TTN: variants seen among roughly 807,000 people sequenced by gnomAD.
TTN encodes the protein connectin.
A neutral mutation model predicts 3,223.0 loss-of-function variants in TTN; 1,525 were observed. That is an observed-to-expected ratio of 0.47 (90% CI 0.45 to 0.49). TTN has a LOEUF of 0.49. Ranked by LOEUF, TTN falls within the 20% of genes least tolerant of loss-of-function variation. The probability of loss-of-function intolerance (pLI) is 0.00; values close to 1 mark genes in which losing one functional copy is unlikely to be tolerated. For missense variants in TTN, 40,786 were observed against 43,424.0 expected (o/e 0.94, Z 5.40); for synonymous variants, 14,094 against 15,161.0 (o/e 0.93, Z 5.17).
intron 120 of TTN, 71 bp downstream of exon 120, chr2:178,692,426 A>C: frequency 7.4e-7 from 1 of 1,346,034 alleles, no homozygotes; most frequent in Non-Finnish European, 1.0e-6. Context: ...TATTTTGTTA[A>C]TACACAGATC....
At position 178,535,534 on chromosome 2, in the gene TTN, C is replaced by T. The variant is rs747732590; in HGVS notation, c.101081G>A (p.Arg33694Lys). 2.5e-6 allele frequency: 4 copies of T among 1,613,760 alleles called. No individual in the cohort carries two copies. The highest frequency in any genetic ancestry group is 1.3e-5 in the African/African-American group (1 of 74,914). The part of the protein sequence containing the change: ...LDVADVPDPP[R>K]GVKVSDVSRD... ...TGAGACATCACTAACTTTGACTCCT[C>T]TGGGTGGGTCAGGAACATCAGCCAC... is the stretch of plus-strand genomic sequence containing the variant. Residue 33694 changes from arginine (R) to lysine (K), a missense_variant, in exon 358 of 363, where the codon AGA becomes AAA. Coordinates refer to ENST00000589042, the MANE Select transcript of TTN (RefSeq NM_001267550.2).
rs765956215 is a variant in TTN, at chr2:178,724,501, C to T, written c.20874G>A (p.Thr6958=). The T allele has an allele frequency of 1.4e-5, 23 of 1,606,628 alleles. No individual in the cohort carries two copies. The East Asian group carries it at 2.0e-4, about 14-fold the overall frequency. The stretch of plus-strand genomic sequence containing the variant: ...GAGTGCACGTTTCTCCTACAGTCAC[C>T]GTCATCGGTCCTGCCTTCTCAACAA... ...AVIVEKAGPM[T]VTVGETCTLE... Residue 6958 remains threonine, a synonymous_variant, in exon 72 of 363, where the codon ACG becomes ACA. Coordinates refer to ENST00000589042, the MANE Select transcript of TTN (RefSeq NM_001267550.2).
At chr2:178,743,099 T>C (rs2082792310) in intron 47 of TTN, 1 of 152,028 alleles carries the variant, frequency 6.6e-6, no homozygotes, top group Admixed American at 6.6e-5. Context: ...ACTCACAAAA[T>C]ATCTGTAAAG....
intron 137 of TTN, 57 bp from the exon 138 acceptor site, chr2:178,681,228 A>C (rs1032312240): frequency 1.3e-6 from 2 of 1,484,044 alleles, no homozygotes; most frequent in Non-Finnish European, 1.8e-6. Flanking sequence ...ATACTATGTA[A>C]TAAATACACA....
chr2:178,559,188 T>G, intron 326 of TTN, 123 bp downstream of exon 326: 1 of 842,530 alleles, frequency 1.2e-6, no homozygotes, highest in East Asian at 2.5e-5. Context: ...TATGAATAGT[T>G]TGGGGTGTGA....
Position 178,767,783 on chromosome 2 carries a change from G to A in TTN, c.9447C>T (p.Ile3149=), listed in dbSNP as rs771530976. The stretch of plus-strand genomic sequence containing the variant: ...CCTGAACCTCCTTTTTAATACTTCG[G>A]ATGCGAACATCTCTGCCTTCTACAA... The part of the protein sequence containing the change: ...KLFVEGRDVR[I]RSIKKEVQVI... The change falls in exon 40 of 363, where the codon ATC becomes ATT. Residue 3149 remains isoleucine (I), a synonymous_variant. Coordinates refer to ENST00000589042, the MANE Select transcript of TTN (RefSeq NM_001267550.2). 6.2e-7 allele frequency: 1 copy of A among 1,614,064 alleles called. No individual in the cohort carries two copies.
In TTN at chr2:178,565,041, T is replaced by C; in HGVS notation, c.81091A>G (p.Thr27031Ala). Residue 27031 changes from threonine (T) to alanine (A), a missense_variant, in exon 326 of 363, where the codon ACA (threonine) becomes GCA (alanine). Thr to Ala is a moderately conservative substitution (Grantham distance 58). Transcript: ENST00000589042. ...HMVSATVART[T>A]IKITKLKTGT... The stretch of plus-strand genomic sequence containing the variant: ...GTTTTCAGTTTGGTTATTTTAATTG[T>C]TGTTCTTGCAACTGTTGCTGATACC... 1.2e-6 allele frequency: 2 copies of C among 1,613,688 alleles called. No homozygotes were observed. Among genetic ancestry groups the C allele is most frequent in the Non-Finnish European group, 8.5e-7 (1 of 1,179,694 alleles).
intron 311 of TTN, 119 bp downstream of exon 311, chr2:178,584,157 G>C: frequency 8.3e-7 from 1 of 1,212,066 alleles, no homozygotes; most frequent in Non-Finnish European, 1.1e-6. Flanking sequence ...AATGGGAGTT[G>C]TAATCTTCAG....
At position 178,618,475 on chromosome 2, in the gene TTN, T is replaced by C. The variant is rs766369811; in HGVS notation, c.46983A>G (p.Val15661=). 4 of 1,612,284 alleles carry C rather than the reference T, an allele frequency of 2.5e-6. No homozygotes were observed. The African/African-American group carries it at 4.0e-5, about 16-fold the overall frequency. Reference sequence around the variant, plus strand: ...ATGTTTCTGTCACTTCTAAGTTACGTACTGGCCCAGGAACATCTGAAATTC... The same window carrying C: ...ATGTTTCTGTCACTTCTAAGTTACGCACTGGCCCAGGAACATCTGAAATTC... ...NLKVIDVPGP[V]RNLEVTETFD... Residue 15661 remains valine, a synonymous_variant, in exon 252 of 363, where the codon GTA becomes GTG. Coordinates refer to ENST00000589042, the MANE Select transcript of TTN (RefSeq NM_001267550.2).
At position 178,583,728 on chromosome 2, in the gene TTN, C is replaced by T. The variant is rs1209238061; in HGVS notation, c.65454G>A (p.Glu21818=). 1 of 1,612,412 alleles carries T rather than the reference C, an allele frequency of 6.2e-7. No homozygotes were observed. The highest frequency in any genetic ancestry group is 1.1e-5 in the South Asian group (1 of 90,902). The change falls in exon 312 of 363, where the codon GAG becomes GAA. Residue 21818 remains glutamate, a synonymous_variant. Transcript: ENST00000589042. ...TCTCTTCTAGGCCAGTAGCTGTGTA[C>T]TCTTCCTGGGGAATCTGGTGAGGTG... ...NTAPHQIPQE[E]YTATGLEEKA...
chr2:178,748,546 T>C lies in TTN; in HGVS notation c.11311+4578A>G, dbSNP rs766811565. 2.5e-6 allele frequency: 4 copies of C among 1,612,980 alleles called. No homozygotes were observed. Among genetic ancestry groups the C allele is most frequent in the Non-Finnish European group, 2.5e-6 (3 of 1,179,408 alleles). Reference sequence around the variant, plus strand: ...CTCCTATATGAGAATACATTTGTTTTAGATCAAATACAATGTTCTCAGTGT... The same window carrying C: ...CTCCTATATGAGAATACATTTGTTTCAGATCAAATACAATGTTCTCAGTGT... On this transcript the variant is annotated intron_variant, in intron 47 of 362. Coordinates refer to ENST00000589042, the MANE Select transcript of TTN (RefSeq NM_001267550.2).
rs759113549 is a variant in TTN at position 178,536,426 on chromosome 2, A to T, written c.100321T>A (p.Ser33441Thr). The T allele has an allele frequency of 1.2e-6, 2 of 1,613,422 alleles. No homozygotes were observed. The highest frequency in any genetic ancestry group is 2.2e-5 in the South Asian group (2 of 91,056). Reference sequence around the variant, plus strand: ...TCTCGAATTTCTTCTGTTGTCACAGAAATCCATTTATTCTGCTTCTTCTCA... The same window carrying T: ...TCTCGAATTTCTTCTGTTGTCACAGTAATCCATTTATTCTGCTTCTTCTCA... ...KREKKQNKWI[S>T]VTTEEIRETV... is the part of the protein sequence containing the mutation. The change falls in exon 357 of 363, where the codon TCT becomes ACT. Residue 33441 changes from serine (S) to threonine (T), a missense_variant. By Grantham distance (58) the Ser-to-Thr change is moderately conservative (BLOSUM62 1). Transcript: ENST00000589042.
intron 55 of TTN, 40 bp downstream of exon 55, chr2:178,732,794 T>G: frequency 5.1e-6 from 8 of 1,573,260 alleles, no homozygotes; most frequent in Non-Finnish European, 6.9e-6. Context: ...AATTTGAACA[T>G]AATCTTTAAT....
chr2:178,588,244 TAAC>T, intron 304 of TTN, 25 bp from the exon 305 acceptor site: 1 of 1,521,624 alleles, frequency 6.6e-7, no homozygotes, highest in African/African-American at 1.4e-5. Flanking sequence ...TACATATAGT[TAAC>T]TACTACTAGT....
chr2:178,701,586 A>G lies in TTN; in HGVS notation c.30540T>C (p.Asp10180=). The G allele has an allele frequency of 6.2e-7, 1 of 1,613,744 alleles. No individual in the cohort carries two copies. The part of the protein sequence containing the change: ...KEIKLELKPP[D]IPDSRVPIPT... ...GGATTGGAACTCTGGAGTCAGGAATATCTGGAAAGGGACATGTAATAAGCA... is the reference window on the plus strand; with the variant it reads ...GGATTGGAACTCTGGAGTCAGGAATGTCTGGAAAGGGACATGTAATAAGCA... Residue 10180 remains aspartate (D), a splice_region_variant and synonymous_variant, in exon 110 of 363, where the codon GAT becomes GAC. Coordinates refer to ENST00000589042, the MANE Select transcript of TTN (RefSeq NM_001267550.2).
At position 178,727,195 on chromosome 2, in the gene TTN, C is replaced by A. The variant is rs140143513; in HGVS notation, c.20170G>T (p.Val6724Phe). 1 of 1,613,160 alleles carries A rather than the reference C, an allele frequency of 6.2e-7. No homozygotes were observed. The highest frequency in any genetic ancestry group is 8.5e-7 in the Non-Finnish European group (1 of 1,179,408). ...YRMTFIDSVA[V>F]IQMNNLSTED... ...GTACTGAGATTGTTCATCTGTATGA[C>A]GGCCACTGAGTCAATGAAAGTCATT... Residue 6724 changes from valine (V) to phenylalanine (F), a missense_variant, in exon 69 of 363, where the codon GTC (valine) becomes TTC (phenylalanine). Val to Phe is a conservative substitution (Grantham distance 50). Transcript: ENST00000589042.
chr2:178,558,466 G>A lies in TTN; in HGVS notation c.86993C>T (p.Thr28998Ile), dbSNP rs1206763274. The A allele has an allele frequency of 6.2e-7, 1 of 1,613,812 alleles. No individual in the cohort carries two copies. Among genetic ancestry groups the A allele is most frequent in the Non-Finnish European group, 8.5e-7 (1 of 1,179,820 alleles). Reference protein sequence around the residue: ...NWVKCAVAKSTHHVVSGLREN... With the variant: ...NWVKCAVAKSIHHVVSGLREN... ...TCTCAGACCGGAAACAACGTGATGG[G>A]TTGACTTTGCCACTGCACATTTAAC... Residue 28998 changes from threonine to isoleucine, a missense_variant, in exon 327 of 363, where the codon ACC becomes ATC. By Grantham distance (89) the Thr-to-Ile change is moderately conservative. Transcript: ENST00000589042.
At position 178,727,997 on chromosome 2, in the gene TTN, A is replaced by G. The variant is rs2627042; in HGVS notation, c.19714+113T>C. 105,270 of 1,415,214 alleles carry G rather than the reference A, an allele frequency of 0.074. 6,120 individuals are homozygous for G. Among genetic ancestry groups the G allele is most frequent in the East Asian group, 0.2 (8,095 of 40,260 alleles). The allele number at this position is 1,415,214 out of a possible 1,614,324, so 87.7% of individuals were successfully genotyped here. On this transcript the variant is annotated intron_variant, in intron 67 of 362. Coordinates refer to ENST00000589042, the MANE Select transcript of TTN (RefSeq NM_001267550.2). ...TATTTCTTGAACACAATGAATATGT[A>G]TCTAAAGAACCAGAATCATAGAGAT...
rs1402412207 is a variant in TTN at position 178,614,138 on chromosome 2, T to C, written c.49259A>G (p.Glu16420Gly). The C allele has an allele frequency of 6.2e-7, 1 of 1,612,538 alleles. No individual in the cohort carries two copies. The highest frequency in any genetic ancestry group is 1.3e-5 in the African/African-American group (1 of 74,940). ...TTCTGCAGCAACTCTGAAGATGTAC[T>C]CTTTATTGGGGATTAATTTGGTGGC... Reference protein sequence around the residue: ...FKATKLIPNKEYIFRVAAENM... With the variant: ...FKATKLIPNKGYIFRVAAENM... The change falls in exon 262 of 363, where the codon GAG (glutamate) becomes GGG (glycine). Residue 16420 changes from glutamate to glycine, a missense_variant. Coordinates refer to ENST00000589042, the MANE Select transcript of TTN (RefSeq NM_001267550.2).
Sources: allele counts gnomAD v4.1 joint callset, GRCh38; gene constraint gnomAD v4.1.1; transcripts MANE v1.5; gene names NCBI Gene and HGNC (gene_info 2026-07-23, HGNC 2026-07-21).